The following NTN1 variants were observed in gnomAD, a reference collection of about 807,000 sequenced individuals.
NTN1 encodes the protein netrin-1.
NTN1 carries 11 observed loss-of-function variants against 54.2 expected under a neutral mutation model. That is an observed-to-expected ratio of 0.20 (90% CI 0.13 to 0.34). The LOEUF (loss-of-function observed/expected upper bound fraction) is 0.34. Among genes scored for constraint, NTN1 ranks in the 10% least tolerant of loss-of-function variants. The pLI, the probability that NTN1 is intolerant of heterozygous loss-of-function variation, is 1.00. For synonymous variants in NTN1, 371 were observed against 382.0 expected (o/e 0.97, Z 0.33); for missense variants, 740 against 893.1 (o/e 0.83, Z 2.18).
At chr17:9,009,098 G>T in the NTN1 span, among the ~76,000 whole-genome samples, 1 of 152,204 alleles carries the variant, frequency 6.6e-6, no homozygotes, top group Non-Finnish European at 1.5e-5. Flanking sequence ...TGGGACTTTT[G>T]CACATGCCAT....
At chr17:9,038,667 C>G (rs887098974) in intron 2 of NTN1, among the ~76,000 whole-genome samples, 6 of 152,090 alleles carry the variant, frequency 3.9e-5, no homozygotes, top group Non-Finnish European at 7.4e-5. Flanking sequence ...CTGCTGTTCC[C>G]TCCCTCCTCC....
At chr17:9,113,567 A>G (rs2092199577) in intron 2 of NTN1, among the ~76,000 whole-genome samples, 1 of 152,122 alleles carries the variant, frequency 6.6e-6, no homozygotes, top group Non-Finnish European at 1.5e-5. Flanking sequence ...CCGGGAGAAC[A>G]TGTCAGGAGA....
intron 5 of NTN1, among the ~76,000 whole-genome samples, chr17:9,193,852 T>C (rs185128968): frequency 5.5e-5 from 7 of 128,266 alleles, no homozygotes; most frequent in Non-Finnish European, 7.9e-5. Context: ...AACCTGGAGG[T>C]AGAGGTTGCA....
intron 6 of NTN1, among the ~76,000 whole-genome samples, chr17:9,233,061 T>A (rs1210779003): frequency 6.9e-4 from 105 of 151,696 alleles, no homozygotes; most frequent in African/African-American, 2.4e-3. Context: ...AACAGGAAGG[T>A]ATGGCTGTGT....
chr17:9,192,901 T>G (rs2142329354), intron 5 of NTN1, among the ~76,000 whole-genome samples: 1 of 151,942 alleles, frequency 6.6e-6, no homozygotes, highest in African/African-American at 2.4e-5. Flanking sequence ...GCCAACATGG[T>G]GAAACCCCGT....
At chr17:9,140,268 G>A (rs535212181) in intron 2 of NTN1, among the ~76,000 whole-genome samples, 36 of 152,278 alleles carry the variant, frequency 2.4e-4, no homozygotes, top group African/African-American at 4.6e-4. Context: ...GGACTGTGGC[G>A]CAGAGCAGGA....
At chr17:9,215,585 C>T (rs188707721) in intron 5 of NTN1, among the ~76,000 whole-genome samples, 1 of 152,306 alleles carries the variant, frequency 6.6e-6, no homozygotes, top group Non-Finnish European at 1.5e-5. Context: ...AGCCCTTGCA[C>T]ATTTGAGAAT....
Position 9,226,162 on chromosome 17 carries a change from CG to C in NTN1, c.1486+4929del, listed in dbSNP as rs71135953. 5.6e-4 allele frequency among the ~76,000 whole-genome samples: 65 copies of C among 116,516 alleles called. 3 individuals are homozygous for C. Among genetic ancestry groups the C allele is most frequent in the Admixed American group, 1.5e-3 (18 of 11,816 alleles). 76.4% of individuals were successfully genotyped at this position (116,516 alleles called of 152,430 possible). On this transcript the variant is annotated intron_variant, in intron 6 of 6. Transcript: ENST00000173229. The stretch of plus-strand genomic sequence containing the variant: ...GAAGCAAGGCAAAGGGATTTGGGGT[CG>C]GGGGGGGGCCTCAGTGCCAAGGCCC...
intron 2 of NTN1, among the ~76,000 whole-genome samples, chr17:9,027,430 A>G (rs972164588): frequency 6.6e-5 from 10 of 152,148 alleles, no homozygotes; most frequent in Non-Finnish European, 1.2e-4. Context: ...TCACATAGCT[A>G]CTGGGTGGTG....
At chr17:9,101,620 G>T (rs1349004468) in intron 2 of NTN1, among the ~76,000 whole-genome samples, 1 of 152,178 alleles carries the variant, frequency 6.6e-6, no homozygotes. Flanking sequence ...GGGGATTTTA[G>T]CCTTGTCTTA....
In NTN1 at chr17:9,221,341, C is replaced by A; in HGVS notation, c.1486+99C>A. ...CAGCTGGCCCCCGATGGGTGTTGGT[C>A]GTGAAGACCCTGTGACCGATGGGAA... On this transcript the variant is annotated intron_variant, in intron 6 of 6. Transcript: ENST00000173229. This position sits in a 1 kb window ranked among gnomAD's most constrained non-coding sequence, Gnocchi z 4.5. 1.1e-6 allele frequency: 1 copy of A among 878,090 alleles called. No homozygotes were observed. Among genetic ancestry groups the A allele is most frequent in the Non-Finnish European group, 1.9e-6 (1 of 514,094 alleles). The allele number at this position is 878,090 out of a possible 1,614,324, so 54.4% of individuals were successfully genotyped here.
chr17:9,025,959 A>G (rs1346866321), intron 2 of NTN1, among the ~76,000 whole-genome samples: 1 of 152,236 alleles, frequency 6.6e-6, no homozygotes, highest in Non-Finnish European at 1.5e-5. Context: ...CGCTGTTGAC[A>G]TATAAAGTCA....
At chr17:9,164,631 C>G (rs2092368806) in intron 3 of NTN1, among the ~76,000 whole-genome samples, 1 of 152,192 alleles carries the variant, frequency 6.6e-6, no homozygotes, top group Non-Finnish European at 1.5e-5. Context: ...GGTTCCCAAT[C>G]TGTCTCTTCC....
chr17:9,083,552 G>T (rs1042085232), intron 2 of NTN1, among the ~76,000 whole-genome samples: 1 of 152,232 alleles, frequency 6.6e-6, no homozygotes, highest in African/African-American at 2.4e-5. Context: ...TTGGCTGAAG[G>T]CTTTTGTAAA....
intron 2 of NTN1, among the ~76,000 whole-genome samples, chr17:9,120,521 C>A (rs750519292): frequency 1.3e-5 from 2 of 152,220 alleles, no homozygotes; most frequent in Non-Finnish European, 2.9e-5. Flanking sequence ...GTTTCTCCCC[C>A]ACACAGGTCA....
chr17:9,154,192 G>A (rs963683404), intron 2 of NTN1, among the ~76,000 whole-genome samples: 4 of 152,200 alleles, frequency 2.6e-5, no homozygotes, highest in South Asian at 2.1e-4. Flanking sequence ...AGACCACAGC[G>A]GCAGCAGCAT....
chr17:9,048,277 A>T (rs2091947210), intron 2 of NTN1, among the ~76,000 whole-genome samples: 1 of 151,878 alleles, frequency 6.6e-6, no homozygotes, highest in Admixed American at 6.6e-5. Context: ...GGGTGATGAG[A>T]TGCATTGTCA....
intron 2 of NTN1, among the ~76,000 whole-genome samples, chr17:9,138,331 T>C (rs576132143): frequency 1.3e-5 from 2 of 152,136 alleles, no homozygotes; most frequent in East Asian, 3.9e-4. Flanking sequence ...CAGAGACAAG[T>C]GGTGGGGGCC....
chr17:9,152,496 G>T (rs901996202), intron 2 of NTN1, among the ~76,000 whole-genome samples: 1 of 152,096 alleles, frequency 6.6e-6, no homozygotes, highest in Non-Finnish European at 1.5e-5. Context: ...AAGCCTGCAG[G>T]GTCATCCCGC....
Sources: allele counts gnomAD v4.1 joint callset (sites outside exome capture counted in the v4.1 genomes callset), GRCh38; gene constraint gnomAD v4.1.1; non-coding constraint Gnocchi (gnomAD v3.1); transcripts MANE v1.5; gene names NCBI Gene and HGNC (gene_info 2026-07-23, HGNC 2026-07-21).